OSBPL5: variants seen among roughly 807,000 people sequenced by gnomAD.
The protein encoded by OSBPL5 is oxysterol-binding protein-related protein 5.
Under a neutral mutation model 111.2 loss-of-function variants are expected in OSBPL5, and 71 were observed. The ratio of observed to expected loss-of-function variants is 0.64; its 90% confidence interval spans 0.53 to 0.78. The LOEUF is 0.78. OSBPL5 is among the 30% of genes least tolerant of loss of function. The pLI is 0.00. For missense variants in OSBPL5, 1,210 were observed against 1,189.3 expected (o/e 1.02, Z -0.26); for synonymous variants, 549 against 513.9 (o/e 1.07, Z -0.93).
intron 1 of OSBPL5, among the ~76,000 whole-genome samples, chr11:3,156,672 C>G (rs4304756): frequency 1.3e-5 from 2 of 151,726 alleles, no homozygotes; most frequent in Non-Finnish European, 2.9e-5. Context: ...GCATGGTTCC[C>G]GTGTTTAGAT....
At chr11:3,090,202 T>C (rs765112146) in intron 20 of OSBPL5, among the ~76,000 whole-genome samples, 2 of 152,168 alleles carry the variant, frequency 1.3e-5, no homozygotes, top group African/African-American at 4.8e-5. Flanking sequence ...GCAAGGCCCA[T>C]CCATTACAGA....
intron 1 of OSBPL5, among the ~76,000 whole-genome samples, chr11:3,138,758 C>T (rs1407469985): frequency 1.3e-5 from 2 of 152,246 alleles, no homozygotes; most frequent in African/African-American, 4.8e-5. Flanking sequence ...GACGGCCCTG[C>T]AGGCCGCTGC....
At chr11:3,094,140 G>A in intron 15 of OSBPL5, 97 bp downstream of exon 15, 2 of 1,225,766 alleles carry the variant, frequency 1.6e-6, no homozygotes, top group Non-Finnish European at 1.2e-6. Context: ...CACTGCCTTG[G>A]GGAACCTTCC....
rs1016881060 is a variant in OSBPL5 at position 3,121,193 on chromosome 11, G to T, written c.403-569C>A. 1.3e-5 allele frequency among the ~76,000 whole-genome samples: 2 copies of T among 151,994 alleles called. No individual in the cohort carries two copies. The highest frequency in any genetic ancestry group is 3.9e-4 in the East Asian group (2 of 5,172). On this transcript the variant is annotated intron_variant, in intron 5 of 21. Transcript: ENST00000263650. This position sits in a 1 kb window ranked among gnomAD's most constrained non-coding sequence, Gnocchi z 4.3. ...CTGCCTCAGCCGCCCGAGTAGCTGG[G>T]ATTACAGGCGCCCGCCACCATGCCT...
At chr11:3,112,076 T>TGTGTGTGCGCGTGTGTGTGCGCAC (rs74207326) in intron 7 of OSBPL5, among the ~76,000 whole-genome samples, 11 of 30,466 alleles carry the variant, frequency 3.6e-4, no homozygotes, top group South Asian at 1.5e-3. Flanking sequence ...TGTGTGTGCA[T>TGTGTGTGCGCGTGTGTGTGCGCAC]GTGTGTGTGC....
chr11:3,112,010 C>CATGTGTGTGCGCGTGTGTGT (rs1857973838), intron 7 of OSBPL5, among the ~76,000 whole-genome samples: 1 of 114,014 alleles, frequency 8.8e-6, no homozygotes, highest in Non-Finnish European at 1.9e-5. Flanking sequence ...TGTGTGTGTG[C>CATGTGTGTGCGCGTGTGTGT]GCGCATGTGT....
intron 1 of OSBPL5, among the ~76,000 whole-genome samples, chr11:3,138,977 C>T (rs10833329): frequency 0.57 from 86,308 of 152,214 alleles, 24,828 homozygotes; most frequent in Non-Finnish European, 0.61. Flanking sequence ...TGCTGTGGGC[C>T]AAGACTGAGG....
intron 3 of OSBPL5, among the ~76,000 whole-genome samples, chr11:3,123,462 C>T (rs1048580953): frequency 7.9e-5 from 12 of 152,222 alleles, no homozygotes; most frequent in East Asian, 1.9e-4. Context: ...ATCCGGCAGG[C>T]GTTGTCTGTG....
rs2134572948 is a variant in OSBPL5, at chr11:3,162,426, C to G, written c.-22+2790G>C. The stretch of plus-strand genomic sequence containing the variant: ...CCCCCTCCCCATCTCCCACCTCAAG[C>G]CCTGGTCCTGAGGACACAGCTGGTG... On this transcript the variant is annotated intron_variant, in intron 1 of 21. Transcript: ENST00000263650. The surrounding 1 kb of genome is among the most constrained non-coding windows in gnomAD (Gnocchi z 8.1). Among the ~76,000 whole-genome samples the G allele has an allele frequency of 6.6e-6, 1 of 152,094 alleles. No individual in the cohort carries two copies. The highest frequency in any genetic ancestry group is 2.4e-5 in the African/African-American group (1 of 41,462).
At chr11:3,157,717 C>T (rs763147020) in intron 1 of OSBPL5, among the ~76,000 whole-genome samples, 98 of 152,358 alleles carry the variant, frequency 6.4e-4, no homozygotes, top group Non-Finnish European at 8.5e-4. Context: ...ACTCGTTCTC[C>T]TCTGCTCACA....
chr11:3,128,190 G>A (rs1858700863), intron 2 of OSBPL5, among the ~76,000 whole-genome samples: 1 of 152,358 alleles, frequency 6.6e-6, no homozygotes, highest in African/African-American at 2.4e-5. Context: ...TCGAGCCTGG[G>A]TGGTGGATCC....
At position 3,103,888 on chromosome 11, in the gene OSBPL5, A is replaced by AGCCCCC. The variant is rs1564830906; in HGVS notation, c.1244+304_1244+305insGGGGGC. On this transcript the variant is annotated intron_variant, in intron 10 of 21. Transcript: ENST00000263650. ...GCCCCCTTCCTGCCTCTGTAGCCCC[A>AGCCCCC]TTCCTGCCTCTGCAGCCCCCTTCCT... Among the ~76,000 whole-genome samples the AGCCCCC allele has an allele frequency of 3.0e-3, 310 of 102,880 alleles. 29 individuals are homozygous for AGCCCCC. Among genetic ancestry groups the AGCCCCC allele is most frequent in the Non-Finnish European group, 4.2e-3 (216 of 51,576 alleles). 67.5% of individuals were successfully genotyped at this position (102,880 alleles called of 152,430 possible). A position where few individuals can be genotyped will look rare whatever the true frequency, so the allele number is the denominator to read the frequency against.
At position 3,089,947 on chromosome 11, in the gene OSBPL5, G is replaced by A. The variant is rs372637161; in HGVS notation, c.2400C>T (p.Gly800=). Residue 800 remains glycine, a splice_region_variant and synonymous_variant, in exon 21 of 22, where the codon GGC becomes GGT. Coordinates refer to ENST00000263650, the MANE Select transcript of OSBPL5 (RefSeq NM_020896.4). ...TGCACCGAGGGCATGGGCTCTCACC[G>A]CCTGGGACGGCCCCGAGTGAGACAA... ...DEEQDGDFVP[G]GESPCPRCRK... 4.8e-5 allele frequency: 74 copies of A among 1,540,212 alleles called. No homozygotes were observed. The highest frequency in any genetic ancestry group is 2.9e-4 in the Admixed American group (15 of 51,250).
In OSBPL5 at chr11:3,104,458, G is replaced by C. The variant is rs945728899; in HGVS notation, c.1060-81C>G. 6 of 1,505,488 alleles carry C rather than the reference G, an allele frequency of 4.0e-6. No homozygotes were observed. In the Admixed American group the frequency reaches 1.2e-4, roughly 30 times the overall value. 93.3% of individuals were successfully genotyped at this position (1,505,488 alleles called of 1,614,324 possible). A position where few individuals can be genotyped will look rare whatever the true frequency, so the allele number is the denominator to read the frequency against. On this transcript the variant is annotated intron_variant, in intron 9 of 21. Transcript: ENST00000263650. This position sits in a 1 kb window ranked among gnomAD's most constrained non-coding sequence, Gnocchi z 5.0. ...GGCGGGACAGTGGCAGCTCTGGCTGGAGGAGGCTGTACCTGCCACCCCTTA... is the reference window on the plus strand; with the variant it reads ...GGCGGGACAGTGGCAGCTCTGGCTGCAGGAGGCTGTACCTGCCACCCCTTA...
chr11:3,140,276 C>G lies in OSBPL5; in HGVS notation c.-21-11107G>C, dbSNP rs1846067997. Among the ~76,000 whole-genome samples the G allele has an allele frequency of 1.3e-5, 2 of 152,200 alleles. No homozygotes were observed. The highest frequency in any genetic ancestry group is 4.8e-5 in the African/African-American group (2 of 41,448). ...GGAAGGGGCAGCCCACAGCAATGCT[C>G]TCTGTGAAGGGCCAGCATGGTGCCA... On this transcript the variant is annotated intron_variant, in intron 1 of 21. Coordinates refer to ENST00000263650, the MANE Select transcript of OSBPL5 (RefSeq NM_020896.4). The surrounding 1 kb of genome is among the most constrained non-coding windows in gnomAD (Gnocchi z 4.5).
At chr11:3,132,884 G>A (rs1413986122) in intron 1 of OSBPL5, among the ~76,000 whole-genome samples, 6 of 152,356 alleles carry the variant, frequency 3.9e-5, no homozygotes, top group East Asian at 1.9e-4. Context: ...GCAGGGACAC[G>A]CGGTAGGTGC....
At chr11:3,094,404 G>C (rs919211529) in intron 14 of OSBPL5, 70 bp from the exon 15 acceptor site, 20 of 1,248,570 alleles carry the variant, frequency 1.6e-5, no homozygotes, top group Non-Finnish European at 2.2e-5. Flanking sequence ...GCTGAGTACC[G>C]ACCCAGCAGC....
intron 7 of OSBPL5, among the ~76,000 whole-genome samples, chr11:3,115,080 T>C (rs1858164571): frequency 6.6e-6 from 1 of 152,206 alleles, no homozygotes; most frequent in Non-Finnish European, 1.5e-5. Context: ...ATAAGTTTTG[T>C]TTTCCTCCTC....
intron 10 of OSBPL5, among the ~76,000 whole-genome samples, chr11:3,103,901 C>T (rs147916802): frequency 0.012 from 1,311 of 109,476 alleles, 82 homozygotes; most frequent in South Asian, 0.049. Context: ...CCTGCCTCTG[C>T]AGCCCCCTTC....
Sources: allele counts gnomAD v4.1 joint callset (sites outside exome capture counted in the v4.1 genomes callset), GRCh38; gene constraint gnomAD v4.1.1; non-coding constraint Gnocchi (gnomAD v3.1); transcripts MANE v1.5; gene names NCBI Gene and HGNC (gene_info 2026-07-23, HGNC 2026-07-21).